Variants in NFATC3 observed in about 807,000 individuals in gnomAD.
NFATC3 encodes the protein nuclear factor of activated T cells 3.
In NFATC3, 46 loss-of-function variants were observed where a neutral mutation model predicts 98.6. That is an observed-to-expected ratio of 0.47 (90% confidence interval 0.37 to 0.60). The LOEUF (loss-of-function observed/expected upper bound fraction) is 0.60, where lower values mean the gene tolerates loss of function less well. NFATC3 is among the 20% of genes least tolerant of loss of function. NFATC3 has a pLI of 0.00. For missense variants in NFATC3, 1,256 were observed against 1,295.5 expected (o/e 0.97, Z 0.47); for synonymous variants, 512 against 472.2 (o/e 1.08, Z -1.09).
intron 1 of NFATC3, among the ~76,000 whole-genome samples, chr16:68,107,780 A>G (rs1430388775): frequency 6.6e-6 from 1 of 151,878 alleles, no homozygotes; most frequent in Non-Finnish European, 1.5e-5. Flanking sequence ...TTGAGATGGT[A>G]TCTCATTGTG....
At chr16:68,156,500 T>C (rs1182427650) in intron 3 of NFATC3, among the ~76,000 whole-genome samples, 2 of 152,174 alleles carry the variant, frequency 1.3e-5, no homozygotes, top group Non-Finnish European at 2.9e-5. Flanking sequence ...GTGGGATCTA[T>C]CCCAGGAAAG....
At chr16:68,199,131 G>A (rs2040796346) in intron 9 of NFATC3, among the ~76,000 whole-genome samples, 1 of 152,096 alleles carries the variant, frequency 6.6e-6, no homozygotes, top group South Asian at 2.1e-4. Context: ...TGGGAGGATT[G>A]CTTGAACCCA....
rs542113900 is a variant in NFATC3 at position 68,184,406 on chromosome 16, A to G, written c.2098+1040A>G. On this transcript the variant is annotated intron_variant, in intron 8 of 9. Transcript: ENST00000346183. Reference sequence around the variant, plus strand: ...AGAGTTTAAGGAGCTTCCATATGATAGCTTTAGGTTTTTTCCGCAAAAAAT... The same window carrying G: ...AGAGTTTAAGGAGCTTCCATATGATGGCTTTAGGTTTTTTCCGCAAAAAAT... Among the ~76,000 whole-genome samples the G allele has an allele frequency of 1.1e-3, 164 of 152,324 alleles. 1 individual carries two copies. Among genetic ancestry groups the G allele is most frequent in the African/African-American group, 3.7e-3 (155 of 41,574 alleles).
At chr16:68,123,459 G>C (rs1261153245) in intron 2 of NFATC3, among the ~76,000 whole-genome samples, 1 of 143,350 alleles carries the variant, frequency 7.0e-6, no homozygotes, top group Non-Finnish European at 1.5e-5. Flanking sequence ...CCAGGAGTTT[G>C]AGACTAGCCT....
At chr16:68,165,005 A>G (rs982192877) in intron 4 of NFATC3, among the ~76,000 whole-genome samples, 1 of 151,944 alleles carries the variant, frequency 6.6e-6, no homozygotes, top group Non-Finnish European at 1.5e-5. Flanking sequence ...TGTTTTTTGC[A>G]TTTAAGAGTT....
At chr16:68,203,189 A>G (rs939278365) in intron 9 of NFATC3, among the ~76,000 whole-genome samples, 1 of 152,210 alleles carries the variant, frequency 6.6e-6, no homozygotes, top group Non-Finnish European at 1.5e-5. Context: ...TTTTAGGCCT[A>G]ATGAAGAAAG....
chr16:68,108,928 A>G (rs1482104249), intron 1 of NFATC3, among the ~76,000 whole-genome samples: 1 of 152,156 alleles, frequency 6.6e-6, no homozygotes. Context: ...TTGATTTTGT[A>G]TCCTGAGACT....
At chr16:68,090,395 T>A (rs560111148) in intron 1 of NFATC3, among the ~76,000 whole-genome samples, 1 of 148,598 alleles carries the variant, frequency 6.7e-6, no homozygotes, top group South Asian at 2.1e-4. Flanking sequence ...TAGACCCTTC[T>A]CCACATGCTA....
At chr16:68,196,145 A>G (rs1323856900) in intron 9 of NFATC3, among the ~76,000 whole-genome samples, 1 of 152,088 alleles carries the variant, frequency 6.6e-6, no homozygotes, top group Non-Finnish European at 1.5e-5. Flanking sequence ...ATTTATTGAT[A>G]TGGAGTCTCT....
In NFATC3 at chr16:68,191,137, C is replaced by T. The variant is rs200001185; in HGVS notation, c.2468C>T (p.Ser823Phe). The change falls in exon 9 of 10, where the codon TCT becomes TTT. Residue 823 changes from serine (S) to phenylalanine (F), a missense_variant. Physicochemically the swap from Ser to Phe is radical, Grantham distance 155. Around this residue, in one of 3 missense-constraint regions of NFATC3, gnomAD observed 636 missense variants for 617.3 expected, o/e 1.03. Coordinates refer to ENST00000346183, the MANE Select transcript of NFATC3 (RefSeq NM_173165.3). ...ACTTGTCTTCCTATTAATGCTGCCT[C>T]TAGTCAAGAATTTGATTCAGTTTTG... is the stretch of plus-strand genomic sequence containing the variant. ...GPTCLPINAA[S>F]SQEFDSVLFQ... 3 of 1,614,202 alleles carry T rather than the reference C, an allele frequency of 1.9e-6. No individual in the cohort carries two copies. The highest frequency in any genetic ancestry group is 2.5e-6 in the Non-Finnish European group (3 of 1,180,042).
intron 9 of NFATC3, among the ~76,000 whole-genome samples, chr16:68,192,577 G>T (rs141438280): frequency 2.6e-5 from 4 of 151,726 alleles, no homozygotes; most frequent in Non-Finnish European, 5.9e-5. Context: ...TAGAATTCTC[G>T]GCCAGGCTCA....
chr16:68,139,122 A>G (rs1462898771), intron 3 of NFATC3, among the ~76,000 whole-genome samples: 2 of 152,222 alleles, frequency 1.3e-5, no homozygotes, highest in African/African-American at 4.8e-5. Context: ...GAGAGAGACA[A>G]TGAGTAAATA....
At chr16:68,178,931 C>T (rs1247806781) in intron 6 of NFATC3, among the ~76,000 whole-genome samples, 13 of 152,276 alleles carry the variant, frequency 8.5e-5, no homozygotes, top group East Asian at 1.9e-4. Context: ...CAGTGATCCC[C>T]TTCATTTTCT....
intron 1 of NFATC3, among the ~76,000 whole-genome samples, chr16:68,112,097 G>A (rs2035974796): frequency 6.6e-6 from 1 of 151,796 alleles, no homozygotes; most frequent in Non-Finnish European, 1.5e-5. Flanking sequence ...TGTGTTTTGG[G>A]ATTGATCTTC....
chr16:68,128,794 T>C (rs1598410772), intron 3 of NFATC3, among the ~76,000 whole-genome samples: 1 of 151,680 alleles, frequency 6.6e-6, no homozygotes, highest in African/African-American at 2.4e-5. Context: ...CACTGCACTC[T>C]AGCCTGGGCA....
At chr16:68,150,626 A>G (rs1486781114) in intron 3 of NFATC3, among the ~76,000 whole-genome samples, 1 of 152,176 alleles carries the variant, frequency 6.6e-6, no homozygotes, top group East Asian at 1.9e-4. Context: ...AATTTTAAGA[A>G]TATCAGTTAT....
Position 68,085,568 on chromosome 16 carries a change from C to T in NFATC3, c.-114C>T, listed in dbSNP as rs936262293. On this transcript the variant is annotated 5_prime_UTR_variant, in exon 1 of 10. Transcript: ENST00000346183. Reference sequence around the variant, plus strand: ...GCCCGGAAAGTTTGCCGTGGAGTCGCGACCTCTTGGCCCGCGCGGCCCGGC... The same window carrying T: ...GCCCGGAAAGTTTGCCGTGGAGTCGTGACCTCTTGGCCCGCGCGGCCCGGC... 2 of 902,732 alleles carry T rather than the reference C, an allele frequency of 2.2e-6. No individual in the cohort carries two copies. The highest frequency in any genetic ancestry group is 1.9e-5 in the South Asian group (1 of 51,822). The allele number at this position is 902,732 out of a possible 1,614,324, so 55.9% of individuals were successfully genotyped here. A position where few individuals can be genotyped will look rare whatever the true frequency, so the allele number is the denominator to read the frequency against.
intron 9 of NFATC3, among the ~76,000 whole-genome samples, chr16:68,197,108 AT>A (rs562192793): frequency 4.6e-5 from 7 of 151,396 alleles, no homozygotes; most frequent in African/African-American, 1.7e-4. Context: ...CTCGTTTTTA[AT>A]TTTTTTTTAT....
chr16:68,208,437 A>C lies in NFATC3; in HGVS notation c.3106+16662A>C, dbSNP rs570374278. Reference sequence around the variant, plus strand: ...AGAATTGTTTTTCTTAAGATTGGGCACAGCGGCTCACACTTGTAATCCCAG... The same window carrying C: ...AGAATTGTTTTTCTTAAGATTGGGCCCAGCGGCTCACACTTGTAATCCCAG... On this transcript the variant is annotated intron_variant, in intron 9 of 9. Coordinates refer to ENST00000346183, the MANE Select transcript of NFATC3 (RefSeq NM_173165.3). 1.7e-4 allele frequency among the ~76,000 whole-genome samples: 26 copies of C among 152,284 alleles called. No homozygotes were observed. In the South Asian group the frequency reaches 5.2e-3, roughly 30 times the overall value.
Sources: allele counts gnomAD v4.1 joint callset (sites outside exome capture counted in the v4.1 genomes callset), GRCh38; gene constraint gnomAD v4.1.1; regional missense constraint gnomAD v4.1.1; transcripts MANE v1.5; gene names NCBI Gene and HGNC (gene_info 2026-07-23, HGNC 2026-07-21).